CES4A: variants seen among roughly 807,000 people sequenced by gnomAD.
The protein encoded by CES4A is carboxylesterase 6.
In CES4A, 48 loss-of-function variants were observed where a neutral mutation model predicts 65.4. That is an observed-to-expected ratio of 0.73 (90% CI 0.58 to 0.93). CES4A has a LOEUF of 0.93. Ranked by LOEUF, CES4A falls within the 40% of genes least tolerant of loss-of-function variation. The probability of loss-of-function intolerance (pLI) is 0.00; values close to 1 mark genes in which losing one functional copy is unlikely to be tolerated. For missense variants in CES4A, 685 were observed against 728.5 expected, an observed-to-expected ratio of 0.94 and a Z score of 0.69; for synonymous variants, 247 against 281.8, an observed-to-expected ratio of 0.88 and a Z score of 1.24.
intron 2 of CES4A, among the ~76,000 whole-genome samples, chr16:66,996,727 A>T (rs1964886573): frequency 6.6e-6 from 1 of 152,172 alleles, no homozygotes. Context: ...ATATAAAAAG[A>T]TACAAATACC....
At position 67,000,611 on chromosome 16, in the gene CES4A, G is replaced by A. The variant is rs1293922650; in HGVS notation, c.261-27G>A. 2 of 1,530,378 alleles carry A rather than the reference G, an allele frequency of 1.3e-6. No individual in the cohort carries two copies. Among genetic ancestry groups the A allele is most frequent in the Non-Finnish European group, 1.8e-6 (2 of 1,135,486 alleles). The allele number at this position is 1,530,378 out of a possible 1,614,324, so 94.8% of individuals were successfully genotyped here. A position where few individuals can be genotyped will look rare whatever the true frequency, so the allele number is the denominator to read the frequency against. On this transcript the variant is annotated intron_variant, in intron 2 of 13. Transcript: ENST00000648724. This position sits in a 1 kb window ranked among gnomAD's most constrained non-coding sequence, Gnocchi z 4.2. ...CCTGGATTGAAACGATCTCCCCGCG[G>A]CCGCCGCCGCTACCTGGTGCCCGCA...
At chr16:66,988,962 T>C in intron 1 of CES4A, 132 bp downstream of exon 1, 1 of 1,129,212 alleles carries the variant, frequency 8.9e-7, no homozygotes. Context: ...AAATGGAGGG[T>C]AGGGTTTCAG....
exon 14 of CES4A, chr16:67,009,686 C>G (rs147282107): frequency 6.5e-6 from 1 of 154,018 alleles, no homozygotes; most frequent in African/African-American, 2.4e-5. Flanking sequence ...AGGGCCACTC[C>G]AAAGTCTATA....
downstream of CES4A, among the ~76,000 whole-genome samples, chr16:67,009,997 C>T (rs930706729): frequency 2.0e-5 from 3 of 151,966 alleles, no homozygotes; most frequent in African/African-American, 7.2e-5. Context: ...ATCTAGATTC[C>T]TCTGGCCTCT....
exon 1 of CES4A, chr16:66,988,602 T>C (rs1208338308): frequency 7.3e-6 from 10 of 1,361,666 alleles, no homozygotes; most frequent in East Asian, 2.5e-5. Context: ...GACAAGGCTG[T>C]GGGCTGGTCA....
chr16:67,003,262 GC>G lies in CES4A; in HGVS notation c.805del (p.His269ThrfsTer14). 1 of 1,614,138 alleles carries G rather than the reference GC, an allele frequency of 6.2e-7. No homozygotes were observed. Among genetic ancestry groups the G allele is most frequent in the Non-Finnish European group, 8.5e-7 (1 of 1,180,000 alleles). On this transcript the variant is annotated frameshift_variant, in exon 7 of 14. Transcript: ENST00000648724. LOFTEE classifies it high-confidence loss of function. The surrounding 1 kb of genome is among the most constrained non-coding windows in gnomAD (Gnocchi z 4.2). ...TCCTTTCTTCTCTCTATAGAAGGTT[GC>G]CCACCTGGCTGGATGCAACCACAAC...
chr16:66,988,635 G>A (rs377689847), exon 1 of CES4A: 23 of 1,485,126 alleles, frequency 1.5e-5, no homozygotes, highest in East Asian at 5.0e-5. Context: ...AATTCCTCCC[G>A]CCCCAGTACT....
At chr16:66,994,166 T>G (rs1964620602) in intron 1 of CES4A, among the ~76,000 whole-genome samples, 4 of 151,976 alleles carry the variant, frequency 2.6e-5, no homozygotes, top group African/African-American at 9.7e-5. Context: ...AATAATGCAT[T>G]TATTGCCATT....
chr16:67,004,963 C>A, intron 10 of CES4A, 90 bp downstream of exon 10: 2 of 1,043,426 alleles, frequency 1.9e-6, no homozygotes, highest in Non-Finnish European at 2.8e-6. Flanking sequence ...TGCAAAGGGG[C>A]TCCCAGCCAG....
intron 1 of CES4A, among the ~76,000 whole-genome samples, chr16:66,992,395 G>A (rs1019382214): frequency 1.3e-5 from 2 of 152,214 alleles, no homozygotes; most frequent in Non-Finnish European, 2.9e-5. Context: ...GCCACCTGCA[G>A]CTGGGAGTGT....
intron 5 of CES4A, among the ~76,000 whole-genome samples, chr16:67,002,466 C>T (rs1965434295): frequency 6.6e-6 from 1 of 151,918 alleles, no homozygotes; most frequent in Non-Finnish European, 1.5e-5. Flanking sequence ...AAAGCAGGGG[C>T]AGGAAAGATG....
At position 66,988,838 on chromosome 16, in the gene CES4A, C is replaced by T. The variant is rs1405671875; in HGVS notation, c.58+8C>T. The T allele has an allele frequency of 2.6e-6, 4 of 1,560,850 alleles. No homozygotes were observed. The highest frequency in any genetic ancestry group is 3.7e-5 in the Admixed American group (2 of 53,744). ...TGGCGCAGACGGCCTTGGGTAAGAC[C>T]CCCACCCCTTCCCGAGAGTGTCAGG... On this transcript the variant is annotated splice_region_variant and intron_variant, in intron 1 of 13. Transcript: ENST00000648724.
Position 67,003,253 on chromosome 16 carries a change from T to C in CES4A, c.796-3T>C. The stretch of plus-strand genomic sequence containing the variant: ...CACTGAGCATCCTTTCTTCTCTCTA[T>C]AGAAGGTTGCCCACCTGGCTGGATG... On this transcript the variant is annotated splice_region_variant and splice_polypyrimidine_tract_variant and intron_variant, in intron 6 of 13. Coordinates refer to ENST00000648724, the Ensembl canonical transcript of CES4A. The surrounding 1 kb of genome is among the most constrained non-coding windows in gnomAD (Gnocchi z 4.2). The C allele has an allele frequency of 6.2e-7, 1 of 1,613,960 alleles. No individual in the cohort carries two copies. Among genetic ancestry groups the C allele is most frequent in the Non-Finnish European group, 8.5e-7 (1 of 1,179,816 alleles).
rs1160196520 is a variant in CES4A, at chr16:67,000,302, GC to G, written c.261-335del. On this transcript the variant is annotated intron_variant, in intron 2 of 13. Transcript: ENST00000648724. The surrounding 1 kb of genome is among the most constrained non-coding windows in gnomAD (Gnocchi z 4.2). Reference sequence around the variant, plus strand: ...ACCATATTCCAGAGCTGTTTGGGAGGCAGAAGGGAGACTGAGGGGAGGGTGG... The same window carrying G: ...ACCATATTCCAGAGCTGTTTGGGAGGAGAAGGGAGACTGAGGGGAGGGTGG... Among the ~76,000 whole-genome samples, 1 of 152,078 alleles carries G rather than the reference GC, an allele frequency of 6.6e-6. No homozygotes were observed. Among genetic ancestry groups the G allele is most frequent in the Non-Finnish European group, 1.5e-5 (1 of 67,994 alleles).
At chr16:66,994,872 T>C (rs906706748) in intron 1 of CES4A, among the ~76,000 whole-genome samples, 1 of 148,966 alleles carries the variant, frequency 6.7e-6, no homozygotes, top group Non-Finnish European at 1.5e-5. Flanking sequence ...GGCGCGGTGC[T>C]GTGTGTCTGT....
intron 11 of CES4A, chr16:67,005,735 GCTA>G (rs1291539826): frequency 3.6e-5 from 8 of 221,100 alleles, no homozygotes; most frequent in Non-Finnish European, 8.8e-6. Context: ...TATAGTCCCA[GCTA>G]CTCAGTAGGC....
chr16:67,006,586 C>A, intron 12 of CES4A, 67 bp downstream of exon 12: 1 of 1,564,530 alleles, frequency 6.4e-7, no homozygotes, highest in South Asian at 1.1e-5. Flanking sequence ...CAGACCCACC[C>A]CTCCATTGGC....
rs1299379055 is a variant in CES4A at position 67,003,538 on chromosome 16, G to A, written c.924G>A (p.Gln308=). ...AGAGATTCCTCCAACTGAACTTCCA[G>A]AGAGACCCGGAAGAGGTAAACAGGC... Residue 308 remains glutamine (Q), a synonymous_variant, in exon 8 of 14, where the codon CAG becomes CAA. Coordinates refer to ENST00000648724, the Ensembl canonical transcript of CES4A. This position sits in a 1 kb window ranked among gnomAD's most constrained non-coding sequence, Gnocchi z 4.2. The A allele has an allele frequency of 6.2e-7, 1 of 1,613,570 alleles. No homozygotes were observed. Among genetic ancestry groups the A allele is most frequent in the Admixed American group, 1.7e-5 (1 of 60,022 alleles).
At position 66,988,704 on chromosome 16, in the gene CES4A, ATGCCATCCACAGTGT is replaced by A. The variant is rs751411065; in HGVS notation, c.-46_-32del. 50 of 1,550,296 alleles carry A rather than the reference ATGCCATCCACAGTGT, an allele frequency of 3.2e-5. No homozygotes were observed. In the Middle Eastern group the frequency reaches 2.5e-3, roughly 77 times the overall value. On this transcript the variant is annotated 5_prime_UTR_variant, in exon 1 of 14. Coordinates refer to ENST00000648724, the Ensembl canonical transcript of CES4A. Reference sequence around the variant, plus strand: ...CTCACACACTGTAGACACGGCTACCATGCCATCCACAGTGTTGCCATCCACAGTGTTGCCATCACT... The same window carrying A: ...CTCACACACTGTAGACACGGCTACCATGCCATCCACAGTGTTGCCATCACT...
Sources: allele counts gnomAD v4.1 joint callset (sites outside exome capture counted in the v4.1 genomes callset), GRCh38; gene constraint gnomAD v4.1.1; non-coding constraint Gnocchi (gnomAD v3.1); transcripts MANE v1.5; gene names NCBI Gene and HGNC (gene_info 2026-07-23, HGNC 2026-07-21).